SERPINB7: variants seen among roughly 807,000 people sequenced by gnomAD.
SERPINB7 encodes serpin family B member 7.
A neutral mutation model predicts 37.4 loss-of-function variants in SERPINB7; 31 were observed. The observed-to-expected ratio is 0.83, with a 90% CI of 0.62 to 1.12. SERPINB7 has a LOEUF of 1.12. Among genes scored for constraint, SERPINB7 ranks in the 50% most tolerant of loss-of-function variants. SERPINB7 has a pLI of 0.00. For missense variants in SERPINB7, 521 were observed against 455.3 expected (o/e 1.14, Z -1.31); for synonymous variants, 163 against 166.1 (o/e 0.98, Z 0.14).
At chr18:63,798,345 G>T (rs1166353745) in intron 5 of SERPINB7, among the ~76,000 whole-genome samples, 1 of 152,058 alleles carries the variant, frequency 6.6e-6, no homozygotes, top group Non-Finnish European at 1.5e-5. Flanking sequence ...TAATCTCTTT[G>T]TGCCTTAGCT....
intron 5 of SERPINB7, 99 bp downstream of exon 5, chr18:63,796,482 T>C (rs1422337952): frequency 8.0e-6 from 5 of 621,544 alleles, no homozygotes; most frequent in Non-Finnish European, 1.4e-5. Flanking sequence ...AAGGAACAGC[T>C]CCTCCTAGTT....
chr18:63,789,418 A>G (rs900886118), intron 2 of SERPINB7, among the ~76,000 whole-genome samples: 19 of 152,352 alleles, frequency 1.2e-4, no homozygotes, highest in African/African-American at 4.1e-4. Context: ...TGTAGTCCAA[A>G]GTATAAAGAT....
chr18:63,756,673 T>A (rs1287369209), intron 1 of SERPINB7, among the ~76,000 whole-genome samples: 1 of 152,028 alleles, frequency 6.6e-6, no homozygotes, highest in Non-Finnish European at 1.5e-5. Flanking sequence ...AGAAGAAGAT[T>A]CTGTGAGATT....
At position 63,793,184 on chromosome 18, in the gene SERPINB7, AAG is replaced by A. The variant is rs751434922; in HGVS notation, c.246_247del (p.Arg82SerfsTer4). 6 of 1,588,786 alleles carry A rather than the reference AAG, an allele frequency of 3.8e-6. 1 individual carries two copies. The highest frequency in any genetic ancestry group is 1.2e-5 in the South Asian group (1 of 86,362). On this transcript the variant is annotated frameshift_variant, in exon 4 of 8. Coordinates refer to ENST00000398019, the MANE Select transcript of SERPINB7 (RefSeq NM_003784.4). LOFTEE classifies it high-confidence loss of function. Reference protein sequence around the residue: ...SQSGLQSQLKRVFSDINASHK... With the variant: ...SQSGLQSQLKXVFSDINASHK... ...AGTCAGGGCTCCAGTCTCAACTGAA[AAG>A]AGTTTTTTCTGATATAAATGCATCC...
intron 1 of SERPINB7, among the ~76,000 whole-genome samples, chr18:63,765,115 T>C (rs1362307805): frequency 3.3e-5 from 5 of 152,126 alleles, no homozygotes; most frequent in Non-Finnish European, 7.4e-5. Context: ...CCTCCCACAA[T>C]TGTAGATTCA....
intron 1 of SERPINB7, among the ~76,000 whole-genome samples, chr18:63,777,378 G>C (rs1273028992): frequency 6.6e-6 from 1 of 152,042 alleles, no homozygotes; most frequent in African/African-American, 2.4e-5. Context: ...AATTATTCCA[G>C]GTGGGGCTCG....
upstream of SERPINB7, among the ~76,000 whole-genome samples, chr18:63,773,463 T>C (rs546927697): frequency 3.3e-5 from 5 of 152,122 alleles, no homozygotes; most frequent in Non-Finnish European, 7.4e-5. Context: ...CCCTCGCCAT[T>C]AGTATTCGGT....
At chr18:63,769,296 T>G (rs1328630125) in intron 1 of SERPINB7, among the ~76,000 whole-genome samples, 1 of 152,070 alleles carries the variant, frequency 6.6e-6, no homozygotes, top group East Asian at 1.9e-4. Flanking sequence ...ATTTTGATTT[T>G]TATTATTGTA....
chr18:63,776,803 T>A (rs994263431), intron 1 of SERPINB7, among the ~76,000 whole-genome samples: 1 of 151,902 alleles, frequency 6.6e-6, no homozygotes, highest in African/African-American at 2.4e-5. Context: ...ATGTAAGCTT[T>A]CTCTGGAGTT....
intron 4 of SERPINB7, 62 bp from the exon 5 acceptor site, chr18:63,796,204 C>T: frequency 2.1e-6 from 2 of 956,468 alleles, no homozygotes; most frequent in Non-Finnish European, 3.3e-6. Flanking sequence ...TTCAAAAATA[C>T]ATTTCTTATA....
At position 63,793,163 on chromosome 18, in the gene SERPINB7, A is replaced by T. The variant is rs1465118489; in HGVS notation, c.222A>T (p.Ser74=). ...SGYGNSSNSQ[S]GLQSQLKRVF... ...TTTATACATCTTTTTAATAACAGTC[A>T]GGGCTCCAGTCTCAACTGAAAAGAG... Residue 74 remains serine (S), a splice_region_variant and synonymous_variant, in exon 4 of 8, where the codon TCA becomes TCT. Transcript: ENST00000398019. 5 of 1,511,540 alleles carry T rather than the reference A, an allele frequency of 3.3e-6. No individual in the cohort carries two copies. The highest frequency in any genetic ancestry group is 1.9e-5 in the Admixed American group (1 of 52,128). The allele number at this position is 1,511,540 out of a possible 1,614,324, so 93.6% of individuals were successfully genotyped here.
intron 4 of SERPINB7, among the ~76,000 whole-genome samples, chr18:63,793,900 A>G (rs911282555): frequency 6.6e-6 from 1 of 151,970 alleles, no homozygotes; most frequent in Non-Finnish European, 1.5e-5. Flanking sequence ...TGGACTTTTT[A>G]AAAAAGTATA....
Position 63,804,767 on chromosome 18 carries a change from T to A in SERPINB7, c.*132T>A. The A allele has an allele frequency of 2.2e-6, 2 of 893,520 alleles. No individual in the cohort carries two copies. The highest frequency in any genetic ancestry group is 1.7e-5 in the African/African-American group (1 of 58,856). The allele number at this position is 893,520 out of a possible 1,614,324, so 55.3% of individuals were successfully genotyped here. On this transcript the variant is annotated 3_prime_UTR_variant, in exon 8 of 8. Transcript: ENST00000398019. ...TTTCTTCCTAACATTGGTCAGCAGA[T>A]GACACTGGTGACTTGACCCTTCCTA...
At chr18:63,776,047 T>C (rs1176009148) in intron 1 of SERPINB7, among the ~76,000 whole-genome samples, 3 of 152,066 alleles carry the variant, frequency 2.0e-5, no homozygotes, top group South Asian at 4.2e-4. Context: ...TGTGTATCCT[T>C]GGCTTGGTGT....
At chr18:63,793,399 T>C (rs553576703) in intron 4 of SERPINB7, 122 bp downstream of exon 4, 28 of 502,126 alleles carry the variant, frequency 5.6e-5, no homozygotes, top group Non-Finnish European at 7.6e-5. Context: ...CTACTTATTA[T>C]GTTCTCAGAT....
upstream of SERPINB7, among the ~76,000 whole-genome samples, chr18:63,770,873 G>GCACACACACACACA (rs10634962): frequency 0.013 from 1,873 of 148,910 alleles, 12 homozygotes; most frequent in Middle Eastern, 0.021. Context: ...GTCTGCACAT[G>GCACACACACACACA]CACACACACA....
chr18:63,767,217 C>G (rs936548563), intron 1 of SERPINB7, among the ~76,000 whole-genome samples: 1 of 152,104 alleles, frequency 6.6e-6, no homozygotes, highest in Non-Finnish European at 1.5e-5. Context: ...CTTTTTAGAG[C>G]TCTCTTTTCT....
Position 63,783,186 on chromosome 18 carries a change from AAG to A in SERPINB7, c.168+694_168+695del, listed in dbSNP as rs1200340375. On this transcript the variant is annotated intron_variant, in intron 2 of 7. Coordinates refer to ENST00000398019, the MANE Select transcript of SERPINB7 (RefSeq NM_003784.4). ...CAAAAAGAAAATAAAGAAAGAAAGA[AAG>A]AGAGAGAGAGAGAGAGAGAGAGAGA... 4.0e-3 allele frequency among the ~76,000 whole-genome samples: 300 copies of A among 75,298 alleles called. 5 individuals are homozygous for A. The highest frequency in any genetic ancestry group is 6.4e-3 in the Admixed American group (51 of 7,986). The allele number at this position is 75,298 out of a possible 152,430, so 49.4% of individuals were successfully genotyped here.
At chr18:63,794,110 A>ATTTTTTTTTTTT (rs34450022) in intron 4 of SERPINB7, among the ~76,000 whole-genome samples, 1,084 of 105,530 alleles carry the variant, frequency 0.01, no homozygotes, top group Non-Finnish European at 0.013. Context: ...CATCCTGCTA[A>ATTTTTTTTTTTT]TTTTTTTTTT....
Sources: gnomAD v4.1 joint callset for allele counts (sites outside exome capture counted in the v4.1 genomes callset) on GRCh38, gnomAD v4.1.1 for gene constraint, MANE v1.5 for transcripts, NCBI Gene and HGNC (gene_info 2026-07-23, HGNC 2026-07-21) for gene names.